ADGRB3: variants seen among roughly 807,000 people sequenced by gnomAD.
The protein encoded by ADGRB3 is adhesion G protein-coupled receptor B3.
A neutral mutation model predicts 193.4 loss-of-function variants in ADGRB3; 37 were observed. The observed-to-expected ratio is 0.19, with a 90% CI of 0.15 to 0.25. The LOEUF (loss-of-function observed/expected upper bound fraction) is 0.25. Ranked by LOEUF, ADGRB3 falls within the 10% of genes least tolerant of loss-of-function variation. ADGRB3 has a pLI of 1.00. For synonymous variants in ADGRB3, 690 were observed against 644.2 expected, an observed-to-expected ratio of 1.07 and a Z score of -1.08; for missense variants, 1,637 against 1,852.9, an observed-to-expected ratio of 0.88 and a Z score of 2.14.
intron 17 of ADGRB3, among the ~76,000 whole-genome samples, chr6:69,095,702 C>CA (rs1772853767): frequency 6.6e-6 from 1 of 152,078 alleles, no homozygotes; most frequent in South Asian, 2.1e-4. Flanking sequence ...CATTAAGTGA[C>CA]AAAGTAATCA....
chr6:68,922,770 A>T (rs1475311843), intron 3 of ADGRB3, among the ~76,000 whole-genome samples: 1 of 152,200 alleles, frequency 6.6e-6, no homozygotes, highest in Admixed American at 6.5e-5. Flanking sequence ...CCACCCCTCC[A>T]CGTTGAGCCT....
intron 17 of ADGRB3, among the ~76,000 whole-genome samples, chr6:69,164,303 G>C (rs1775076946): frequency 6.6e-6 from 1 of 151,610 alleles, no homozygotes; most frequent in Non-Finnish European, 1.5e-5. Flanking sequence ...TGAATGAAGG[G>C]AGACAGGAAA....
chr6:69,248,393 A>T (rs766313030), intron 20 of ADGRB3, among the ~76,000 whole-genome samples: 2 of 152,352 alleles, frequency 1.3e-5, no homozygotes, highest in South Asian at 4.1e-4. Context: ...AGAATTTTCA[A>T]TGGCCCATGA....
intron 3 of ADGRB3, among the ~76,000 whole-genome samples, chr6:68,923,443 C>T (rs1767099790): frequency 6.6e-6 from 1 of 151,976 alleles, no homozygotes; most frequent in South Asian, 2.1e-4. Flanking sequence ...ACATTTCATA[C>T]TCCACTTATA....
In ADGRB3 at chr6:69,372,432, T is replaced by C; in HGVS notation, c.4266T>C (p.Leu1422=). Residue 1422 remains leucine, a synonymous_variant, in exon 30 of 32, where the codon CTT becomes CTC. Coordinates refer to ENST00000370598, the MANE Select transcript of ADGRB3 (RefSeq NM_001704.3). ...LERRKSRYSD[L]DFEKVMHTRK... is the part of the protein sequence containing the mutation. ...GAAGAAAATCACGATATTCAGACCT[T>C]GACTTTGAGGTAAGTTTATATGAAT... The C allele has an allele frequency of 7.3e-7, 1 of 1,366,296 alleles. No individual in the cohort carries two copies. The highest frequency in any genetic ancestry group is 2.5e-5 in the East Asian group (1 of 40,406). The allele number at this position is 1,366,296 out of a possible 1,614,324, so 84.6% of individuals were successfully genotyped here.
intron 10 of ADGRB3, among the ~76,000 whole-genome samples, chr6:68,983,378 C>T (rs1403306398): frequency 6.6e-6 from 1 of 151,038 alleles, no homozygotes; most frequent in East Asian, 1.9e-4. Context: ...CACGGCCATA[C>T]CACTCTGAAT....
intron 17 of ADGRB3, among the ~76,000 whole-genome samples, chr6:69,207,099 C>A (rs1476893616): frequency 1.3e-5 from 2 of 152,162 alleles, no homozygotes; most frequent in Non-Finnish European, 2.9e-5. Context: ...CCCTTCTAAG[C>A]CTGTTGACTT....
chr6:68,673,497 AG>A (rs1261900852), intron 3 of ADGRB3, among the ~76,000 whole-genome samples: 1 of 152,100 alleles, frequency 6.6e-6, no homozygotes, highest in Non-Finnish European at 1.5e-5. Flanking sequence ...GCTGTTTGTG[AG>A]AGGAATTGTT....
intron 20 of ADGRB3, among the ~76,000 whole-genome samples, chr6:69,288,250 A>G (rs1489194448): frequency 6.6e-6 from 1 of 151,962 alleles, no homozygotes; most frequent in Non-Finnish European, 1.5e-5. Context: ...CCCTGTGTCC[A>G]TGTGTTCTCA....
At chr6:69,223,347 G>A (rs1353748132) in intron 17 of ADGRB3, among the ~76,000 whole-genome samples, 1 of 152,078 alleles carries the variant, frequency 6.6e-6, no homozygotes, top group African/African-American at 2.4e-5. Context: ...AACTAATGAA[G>A]CAGAGTTTTT....
At chr6:68,781,333 A>T (rs1036784676) in intron 3 of ADGRB3, among the ~76,000 whole-genome samples, 1 of 152,152 alleles carries the variant, frequency 6.6e-6, no homozygotes, top group Non-Finnish European at 1.5e-5. Flanking sequence ...AGACCTTGTT[A>T]TCTTTTAGCA....
At chr6:68,894,778 TAA>T (rs1766173730) in intron 3 of ADGRB3, among the ~76,000 whole-genome samples, 1 of 151,976 alleles carries the variant, frequency 6.6e-6, no homozygotes, top group Non-Finnish European at 1.5e-5. Flanking sequence ...AATTTTGGCA[TAA>T]ACATTTCACT....
chr6:69,190,653 T>A (rs1430349469), intron 17 of ADGRB3, among the ~76,000 whole-genome samples: 1 of 152,108 alleles, frequency 6.6e-6, no homozygotes, highest in Non-Finnish European at 1.5e-5. Context: ...ATATAAAATC[T>A]ACAGTAGTAT....
intron 3 of ADGRB3, among the ~76,000 whole-genome samples, chr6:68,890,714 C>A (rs553003337): frequency 2.2e-4 from 33 of 152,034 alleles, no homozygotes; most frequent in African/African-American, 8.0e-4. Flanking sequence ...AAGGAAGAGG[C>A]AGAGAGAGAG....
At chr6:69,269,150 A>G (rs1353089476) in intron 20 of ADGRB3, among the ~76,000 whole-genome samples, 1 of 152,110 alleles carries the variant, frequency 6.6e-6, no homozygotes, top group East Asian at 1.9e-4. Flanking sequence ...AAACCTACAA[A>G]TGTTAAATAT....
At chr6:69,056,029 C>T (rs1269013860) in intron 15 of ADGRB3, among the ~76,000 whole-genome samples, 1 of 152,016 alleles carries the variant, frequency 6.6e-6, no homozygotes, top group Non-Finnish European at 1.5e-5. Flanking sequence ...TGAGATTTCC[C>T]CATGTTGGCC....
At chr6:68,844,746 A>G (rs1768239784) in intron 3 of ADGRB3, among the ~76,000 whole-genome samples, 1 of 152,242 alleles carries the variant, frequency 6.6e-6, no homozygotes, top group Non-Finnish European at 1.5e-5. Flanking sequence ...AAATGGATAA[A>G]GAAAATTTGG....
intron 20 of ADGRB3, among the ~76,000 whole-genome samples, chr6:69,257,540 C>T (rs939490835): frequency 6.6e-6 from 1 of 151,946 alleles, no homozygotes; most frequent in African/African-American, 2.4e-5. Flanking sequence ...TCTGTATTTC[C>T]TGTAAATAAA....
intron 3 of ADGRB3, among the ~76,000 whole-genome samples, chr6:68,896,683 A>G (rs1478030686): frequency 6.6e-6 from 1 of 152,166 alleles, no homozygotes; most frequent in Non-Finnish European, 1.5e-5. Flanking sequence ...AATTAGGGGA[A>G]AGAGAAAGGA....
Sources: gnomAD v4.1 joint callset for allele counts (sites outside exome capture counted in the v4.1 genomes callset) on GRCh38, gnomAD v4.1.1 for gene constraint, MANE v1.5 for transcripts, NCBI Gene and HGNC (gene_info 2026-07-23, HGNC 2026-07-21) for gene names.